The following UST variants were observed in gnomAD, a reference collection of about 807,000 sequenced individuals.
UST encodes the protein chondroitin sulfate 2-O-sulfotransferase.
UST carries 21 observed loss-of-function variants against 45.6 expected under a neutral mutation model. That is an observed-to-expected ratio of 0.46 (90% confidence interval 0.33 to 0.66). The LOEUF (loss-of-function observed/expected upper bound fraction) is 0.66, where lower values mean the gene tolerates loss of function less well. UST is among the 30% of genes least tolerant of loss of function. The probability of loss-of-function intolerance (pLI) is 0.02; values close to 1 mark genes in which losing one functional copy is unlikely to be tolerated. For synonymous variants in UST, 215 were observed against 200.6 expected, an observed-to-expected ratio of 1.07 and a Z score of -0.61; for missense variants, 463 against 512.4, an observed-to-expected ratio of 0.90 and a Z score of 0.93.
intron 5 of UST, among the ~76,000 whole-genome samples, chr6:149,016,189 C>T (rs1411338827): frequency 1.3e-5 from 2 of 152,328 alleles, no homozygotes; most frequent in Middle Eastern, 3.4e-3. Context: ...TTTGAAATCC[C>T]CCAGGATGCG....
rs1334574611 is a variant in UST, at chr6:148,790,681, G to T, written c.247+43004G>T. ...GCCTGGAAGGAGTGCTGTGCCCCGT[G>T]TGGAAGGAAACCTCCTCGCCCAAGG... is the stretch of plus-strand genomic sequence containing the variant. On this transcript the variant is annotated intron_variant, in intron 1 of 7. Coordinates refer to ENST00000367463, the MANE Select transcript of UST (RefSeq NM_005715.3). This position sits in a 1 kb window ranked among gnomAD's most constrained non-coding sequence, Gnocchi z 4.2. 4.6e-5 allele frequency among the ~76,000 whole-genome samples: 7 copies of T among 152,306 alleles called. No individual in the cohort carries two copies. The East Asian group carries it at 1.4e-3, about 30-fold the overall frequency.
intron 1 of UST, among the ~76,000 whole-genome samples, chr6:148,867,571 T>G (rs1323885288): frequency 6.6e-6 from 1 of 152,126 alleles, no homozygotes; most frequent in Non-Finnish European, 1.5e-5. Flanking sequence ...TGGGGGCAGT[T>G]TCCCCCATAC....
intron 3 of UST, among the ~76,000 whole-genome samples, chr6:148,951,563 C>G (rs998230067): frequency 2.6e-5 from 4 of 152,114 alleles, no homozygotes; most frequent in African/African-American, 9.7e-5. Context: ...GCCATTGTCA[C>G]CCCCTGATGC....
At chr6:148,949,560 T>C (rs894647892) in intron 3 of UST, among the ~76,000 whole-genome samples, 1 of 152,090 alleles carries the variant, frequency 6.6e-6, no homozygotes, top group African/African-American at 2.4e-5. Flanking sequence ...ATGGTAAGAC[T>C]GTTTGCCCCA....
chr6:148,769,327 A>G (rs1019685210), intron 1 of UST, among the ~76,000 whole-genome samples: 3 of 152,270 alleles, frequency 2.0e-5, no homozygotes, highest in Non-Finnish European at 4.4e-5. Context: ...TTTAAAGGCC[A>G]ACAAGATGGA....
At chr6:148,905,726 A>G (rs1249186911) in intron 2 of UST, among the ~76,000 whole-genome samples, 1 of 152,154 alleles carries the variant, frequency 6.6e-6, no homozygotes, top group Non-Finnish European at 1.5e-5. Flanking sequence ...ATCATTTCCT[A>G]CCACCAGAGC....
rs146913127 is a variant in UST at position 148,873,773 on chromosome 6, G to A, written c.248-13213G>A. ...GCCTCCTAGGTTGCTGTAGAATGAG[G>A]TCCGGAGAGTGCTTTGCACAGTGCT... On this transcript the variant is annotated intron_variant, in intron 1 of 7. Transcript: ENST00000367463. Among the ~76,000 whole-genome samples, 260 of 152,130 alleles carry A rather than the reference G, an allele frequency of 1.7e-3. 1 individual carries two copies. The highest frequency in any genetic ancestry group is 3.2e-3 in the Non-Finnish European group (217 of 67,904).
intron 1 of UST, among the ~76,000 whole-genome samples, chr6:148,762,951 G>A (rs1368083073): frequency 6.6e-6 from 1 of 152,194 alleles, no homozygotes; most frequent in Non-Finnish European, 1.5e-5. Flanking sequence ...TGTGAATAGT[G>A]CTATGATAAA....
At chr6:148,819,589 C>T (rs1341640523) in intron 1 of UST, among the ~76,000 whole-genome samples, 1 of 152,132 alleles carries the variant, frequency 6.6e-6, no homozygotes, top group Non-Finnish European at 1.5e-5. Flanking sequence ...TGGATAATTA[C>T]GTATTTTATG....
At chr6:149,053,167 A>G (rs1326337304) in intron 7 of UST, among the ~76,000 whole-genome samples, 1 of 152,236 alleles carries the variant, frequency 6.6e-6, no homozygotes, top group Non-Finnish European at 1.5e-5. Context: ...ATATAAAAAT[A>G]TTTTATGACA....
In UST at chr6:148,987,428, C is replaced by G. The variant is rs376683133; in HGVS notation, c.681+22865C>G. On this transcript the variant is annotated intron_variant, in intron 5 of 7. Transcript: ENST00000367463. ...GCACCAAGTGGTGTGCCCTACATGG[C>G]CCTGAGACTTCAGAAGACTCGGGTC... Among the ~76,000 whole-genome samples the G allele has an allele frequency of 3.3e-5, 5 of 152,132 alleles. No homozygotes were observed. In the East Asian group the frequency reaches 7.7e-4, roughly 23 times the overall value.
chr6:148,859,953 C>T, intron 1 of UST, among the ~76,000 whole-genome samples: 1 of 152,174 alleles, frequency 6.6e-6, no homozygotes, highest in East Asian at 1.9e-4. Context: ...GTTCTTTTGG[C>T]TTAGGATTGT....
chr6:148,941,282 C>G lies in UST; in HGVS notation c.295C>G (p.Leu99Val). 1 of 1,612,744 alleles carries G rather than the reference C, an allele frequency of 6.2e-7. No homozygotes were observed. Residue 99 changes from leucine (L) to valine (V), a missense_variant, in exon 3 of 8, where the codon CTA (leucine) becomes GTA (valine). Leu to Val is a conservative substitution (Grantham distance 32, BLOSUM62 1). Around this residue, in one of 2 missense-constraint regions of UST, gnomAD observed 176 missense variants for 138.3 expected, o/e 1.27. Coordinates refer to ENST00000367463, the MANE Select transcript of UST (RefSeq NM_005715.3). Reference sequence around the variant, plus strand: ...GTTCTCTTGGTTTTTTTCCCAGGTACTACCTTTCCCAAGCCAGGTGGTGTA... The same window carrying G: ...GTTCTCTTGGTTTTTTTCCCAGGTAGTACCTTTCCCAAGCCAGGTGGTGTA... The part of the protein sequence containing the change: ...DDHGPPPSKV[L>V]PFPSQVVYNR...
chr6:148,799,150 A>G (rs1777006040), intron 1 of UST, among the ~76,000 whole-genome samples: 1 of 152,140 alleles, frequency 6.6e-6, no homozygotes, highest in South Asian at 2.1e-4. Flanking sequence ...GATTACAGGC[A>G]TGAGCCACCG....
At chr6:148,915,501 G>A (rs1779571411) in intron 2 of UST, among the ~76,000 whole-genome samples, 1 of 151,228 alleles carries the variant, frequency 6.6e-6, no homozygotes, top group Non-Finnish European at 1.5e-5. Flanking sequence ...AAGGATGTCT[G>A]CATATTTCAA....
At position 149,075,430 on chromosome 6, in the gene UST, G is replaced by T. The variant is rs1776877356; in HGVS notation, c.*1314G>T. ...TGTGCTCCTGAGAACTCTTACTTGAGACATCAAAAAGAAGCAGCAAGAGCT... is the reference window on the plus strand; with the variant it reads ...TGTGCTCCTGAGAACTCTTACTTGATACATCAAAAAGAAGCAGCAAGAGCT... On this transcript the variant is annotated 3_prime_UTR_variant, in exon 8 of 8. Transcript: ENST00000367463. 6.6e-6 allele frequency: 1 copy of T among 152,158 alleles called. No homozygotes were observed. Among genetic ancestry groups the T allele is most frequent in the Non-Finnish European group, 1.5e-5 (1 of 68,040 alleles). 9.4% of individuals were successfully genotyped at this position (152,158 alleles called of 1,614,324 possible). A position where few individuals can be genotyped will look rare whatever the true frequency, so the allele number is the denominator to read the frequency against.
intron 2 of UST, among the ~76,000 whole-genome samples, chr6:148,893,758 G>A (rs1285389395): frequency 6.6e-6 from 1 of 152,152 alleles, no homozygotes; most frequent in African/African-American, 2.4e-5. Context: ...GCTATGATGA[G>A]GATGCACACT....
intron 1 of UST, among the ~76,000 whole-genome samples, chr6:148,841,162 A>ATAGCTTGT (rs940517945): frequency 1.3e-4 from 20 of 152,104 alleles, no homozygotes; most frequent in Non-Finnish European, 4.4e-5. Flanking sequence ...CGTATTTCTT[A>ATAGCTTGT]TAGCTTGTGA....
intron 1 of UST, among the ~76,000 whole-genome samples, chr6:148,820,923 A>G (rs904414660): frequency 6.7e-6 from 1 of 149,806 alleles, no homozygotes; most frequent in African/African-American, 2.5e-5. Flanking sequence ...CTGATCCAGG[A>G]TCATGTATTA....
Sources: gnomAD v4.1 joint callset for allele counts (sites outside exome capture counted in the v4.1 genomes callset) on GRCh38, gnomAD v4.1.1 for gene constraint, gnomAD v4.1.1 regional missense constraint, Gnocchi (gnomAD v3.1) non-coding constraint, MANE v1.5 for transcripts, NCBI Gene and HGNC (gene_info 2026-07-23, HGNC 2026-07-21) for gene names.